SV2C: variants seen among roughly 807,000 people sequenced by gnomAD.
SV2C encodes synaptic vesicle glycoprotein 2C.
In SV2C, 49 loss-of-function variants were observed where a neutral mutation model predicts 79.7. The ratio of observed to expected loss-of-function variants is 0.61; its 90% CI spans 0.49 to 0.78. The LOEUF (loss-of-function observed/expected upper bound fraction) is 0.78. Ranked by LOEUF, SV2C falls within the 30% of genes least tolerant of loss-of-function variation. The probability of loss-of-function intolerance (pLI) is 0.00; values close to 1 mark genes in which losing one functional copy is unlikely to be tolerated. For missense variants in SV2C, 833 were observed against 912.9 expected (o/e 0.91, Z 1.13); for synonymous variants, 334 against 333.2 (o/e 1.00, Z -0.03).
chr5:76,094,522 G>A (rs376002647), intron 1 of SV2C, among the ~76,000 whole-genome samples: 11 of 152,098 alleles, frequency 7.2e-5, no homozygotes, highest in Admixed American at 2.0e-4. Flanking sequence ...TGAATGCATA[G>A]TATTACATTA....
downstream of SV2C, among the ~76,000 whole-genome samples, chr5:76,337,161 T>C (rs1242158084): frequency 6.6e-6 from 1 of 152,158 alleles, no homozygotes; most frequent in East Asian, 1.9e-4. Flanking sequence ...CTTACAGATC[T>C]GGAGACCAGA....
At chr5:75,981,028 A>G in the SV2C span, among the ~76,000 whole-genome samples, 1 of 152,238 alleles carries the variant, frequency 6.6e-6, no homozygotes, top group South Asian at 2.1e-4. Flanking sequence ...CAGGATACAG[A>G]ATCAATGTGC....
At position 76,158,382 on chromosome 5, in the gene SV2C, AGAAAGC is replaced by A. The variant is rs138100211; in HGVS notation, c.580+26053_580+26058del. On this transcript the variant is annotated intron_variant, in intron 2 of 12. Coordinates refer to ENST00000502798, the MANE Select transcript of SV2C (RefSeq NM_014979.4). Reference sequence around the variant, plus strand: ...ATATACCATGTAAACAGCACCCACAAGAAAGCTGGAGAGGCTATGTTAATATCAGAC... The same window carrying A: ...ATATACCATGTAAACAGCACCCACAATGGAGAGGCTATGTTAATATCAGAC... Among the ~76,000 whole-genome samples, 318 of 151,960 alleles carry A rather than the reference AGAAAGC, an allele frequency of 2.1e-3. 13 individuals are homozygous for A. In the East Asian group the frequency reaches 0.058, roughly 28 times the overall value.
At chr5:76,066,241 A>G in the SV2C span, among the ~76,000 whole-genome samples, 1 of 152,076 alleles carries the variant, frequency 6.6e-6, no homozygotes, top group Non-Finnish European at 1.5e-5. Flanking sequence ...AATGTGGCAC[A>G]TATACACCAT....
At chr5:75,861,580 C>T in the SV2C span, among the ~76,000 whole-genome samples, 2 of 152,124 alleles carry the variant, frequency 1.3e-5, no homozygotes, top group African/African-American at 4.8e-5. Context: ...CCTAGGTGCC[C>T]ATGAGTGGTG....
the SV2C span, among the ~76,000 whole-genome samples, chr5:76,054,371 AT>A: frequency 6.6e-6 from 1 of 152,098 alleles, no homozygotes; most frequent in Non-Finnish European, 1.5e-5. Context: ...TATGTGCCAC[AT>A]TTTCTTTATC....
chr5:75,929,498 A>G, the SV2C span, among the ~76,000 whole-genome samples: 1 of 152,060 alleles, frequency 6.6e-6, no homozygotes, highest in South Asian at 2.1e-4. Context: ...AACTGCATTT[A>G]GGGAAAACAT....
At chr5:76,277,552 TG>T (rs1308296838) in intron 4 of SV2C, among the ~76,000 whole-genome samples, 4 of 152,124 alleles carry the variant, frequency 2.6e-5, no homozygotes, top group Non-Finnish European at 5.9e-5. Context: ...GGCAGAAGGA[TG>T]GCTTGAGCCC....
At chr5:75,855,155 C>T in the SV2C span, among the ~76,000 whole-genome samples, 2 of 152,012 alleles carry the variant, frequency 1.3e-5, no homozygotes, top group African/African-American at 4.8e-5. Flanking sequence ...TAGAAAAATT[C>T]CTGCTGGAAT....
At chr5:76,003,738 C>T in the SV2C span, among the ~76,000 whole-genome samples, 1 of 152,058 alleles carries the variant, frequency 6.6e-6, no homozygotes, top group Non-Finnish European at 1.5e-5. Flanking sequence ...TACCATTTAA[C>T]TTACCTGTAT....
At chr5:75,972,633 T>C in the SV2C span, among the ~76,000 whole-genome samples, 691 of 152,062 alleles carry the variant, frequency 4.5e-3, 10 homozygotes, top group African/African-American at 0.016. Flanking sequence ...TGAGATACCA[T>C]CTCACACAAG....
chr5:76,194,531 C>T (rs1024307561), intron 2 of SV2C, among the ~76,000 whole-genome samples: 2 of 152,130 alleles, frequency 1.3e-5, no homozygotes, highest in African/African-American at 4.8e-5. Context: ...ATAGTCAGCA[C>T]CATAGTACAG....
the SV2C span, among the ~76,000 whole-genome samples, chr5:75,958,071 T>C: frequency 6.6e-6 from 1 of 151,984 alleles, no homozygotes; most frequent in Non-Finnish European, 1.5e-5. Context: ...ACAGGTAACC[T>C]TGATGTGACA....
chr5:76,009,891 C>G, the SV2C span, among the ~76,000 whole-genome samples: 1 of 151,720 alleles, frequency 6.6e-6, no homozygotes, highest in South Asian at 2.1e-4. Flanking sequence ...ACATGTACCC[C>G]CTGAATCTCA....
At chr5:76,262,825 T>C (rs951230950) in intron 4 of SV2C, among the ~76,000 whole-genome samples, 2 of 152,214 alleles carry the variant, frequency 1.3e-5, no homozygotes, top group South Asian at 4.1e-4. Context: ...TTCTTTTGCA[T>C]TTGCTGAGGA....
At chr5:76,276,879 A>G (rs1747040008) in intron 4 of SV2C, among the ~76,000 whole-genome samples, 1 of 151,928 alleles carries the variant, frequency 6.6e-6, no homozygotes, top group South Asian at 2.1e-4. Context: ...TTGTCTGTTA[A>G]CATATCTGCC....
chr5:76,302,336 A>T (rs2112527369), intron 12 of SV2C, among the ~76,000 whole-genome samples: 1 of 152,254 alleles, frequency 6.6e-6, no homozygotes, highest in Admixed American at 6.5e-5. Flanking sequence ...GTTATAAAAA[A>T]CAATTGTGCT....
chr5:76,079,276 C>A, upstream of SV2C: 1 of 320,844 alleles, frequency 3.1e-6, no homozygotes, highest in Admixed American at 3.5e-5. Flanking sequence ...GAGATGGGGG[C>A]ATATTATGAG....
chr5:75,991,583 A>G, the SV2C span, among the ~76,000 whole-genome samples: 1 of 116,068 alleles, frequency 8.6e-6, no homozygotes, highest in Non-Finnish European at 1.8e-5. Flanking sequence ...ATATATATAT[A>G]TACACACATA....
Sources: gnomAD v4.1 joint callset for allele counts (sites outside exome capture counted in the v4.1 genomes callset) on GRCh38, gnomAD v4.1.1 for gene constraint, MANE v1.5 for transcripts, NCBI Gene and HGNC (gene_info 2026-07-23, HGNC 2026-07-21) for gene names.